The following NR3C2 variants were observed in gnomAD, a reference collection of about 807,000 sequenced individuals.
The protein encoded by NR3C2 is mineralocorticoid receptor.
Under a neutral mutation model 86.4 loss-of-function variants are expected in NR3C2, and 15 were observed. The observed-to-expected ratio is 0.17, with a 90% CI of 0.12 to 0.27. The LOEUF (loss-of-function observed/expected upper bound fraction) is 0.27. NR3C2 is among the 10% of genes least tolerant of loss of function. The pLI is 1.00. For missense variants in NR3C2, 960 were observed against 1,195.6 expected, an observed-to-expected ratio of 0.80 and a Z score of 2.91; for synonymous variants, 458 against 450.5, an observed-to-expected ratio of 1.02 and a Z score of -0.21.
chr4:148,098,403 TAGAC>T (rs1373606145), intron 8 of NR3C2, among the ~76,000 whole-genome samples: 1 of 152,140 alleles, frequency 6.6e-6, no homozygotes, highest in Non-Finnish European at 1.5e-5. Context: ...CTTAGGAACA[TAGAC>T]AGCACTGGGG....
chr4:148,362,171 T>A (rs530243149), intron 2 of NR3C2, among the ~76,000 whole-genome samples: 4 of 152,298 alleles, frequency 2.6e-5, no homozygotes, highest in Admixed American at 2.6e-4. Flanking sequence ...TCCTGGAAAA[T>A]TCAAGACATG....
chr4:148,377,226 A>C (rs1176688925), intron 2 of NR3C2, among the ~76,000 whole-genome samples: 2 of 152,214 alleles, frequency 1.3e-5, no homozygotes, highest in African/African-American at 4.8e-5. Flanking sequence ...TGGGGCAGGA[A>C]GAAGAGTATA....
At chr4:148,156,019 C>G (rs1578950592) in intron 4 of NR3C2, among the ~76,000 whole-genome samples, 1 of 152,032 alleles carries the variant, frequency 6.6e-6, no homozygotes, top group African/African-American at 2.4e-5. Context: ...GGAAAGGATT[C>G]CCTATTTAAT....
At position 148,249,180 on chromosome 4, in the gene NR3C2, C is replaced by T. The variant is rs540955452; in HGVS notation, c.1897+10798G>A. ...ACTAAATACTAGTAAATGGTCAGTA[C>T]GGCTTCTAAGAGGGTGGTATGAATC... On this transcript the variant is annotated intron_variant, in intron 3 of 8. Transcript: ENST00000358102. Among the ~76,000 whole-genome samples, 20 of 152,154 alleles carry T rather than the reference C, an allele frequency of 1.3e-4. No individual in the cohort carries two copies. The South Asian group carries it at 3.9e-3, about 30-fold the overall frequency.
At chr4:148,118,983 CTG>C (rs1732391486) in intron 7 of NR3C2, among the ~76,000 whole-genome samples, 2 of 152,186 alleles carry the variant, frequency 1.3e-5, no homozygotes, top group African/African-American at 4.8e-5. Context: ...CTCTCCTATC[CTG>C]TCTCTCTCCT....
chr4:148,184,566 C>A (rs1017850301), intron 4 of NR3C2, among the ~76,000 whole-genome samples: 1 of 151,838 alleles, frequency 6.6e-6, no homozygotes. Flanking sequence ...ATATTTACAA[C>A]AATATTTATA....
intron 2 of NR3C2, among the ~76,000 whole-genome samples, chr4:148,377,288 C>G (rs1746727741): frequency 6.6e-6 from 1 of 152,148 alleles, no homozygotes; most frequent in Admixed American, 6.5e-5. Flanking sequence ...AATGTGGCAT[C>G]CACACCTGCA....
At chr4:148,197,176 A>C (rs534639481) in intron 3 of NR3C2, among the ~76,000 whole-genome samples, 35 of 152,336 alleles carry the variant, frequency 2.3e-4, no homozygotes, top group African/African-American at 8.2e-4. Flanking sequence ...CTGTTGGTCT[A>C]ATAAGACATT....
intron 2 of NR3C2, among the ~76,000 whole-genome samples, chr4:148,324,987 T>C (rs183093809): frequency 3.9e-5 from 6 of 152,320 alleles, no homozygotes; most frequent in African/African-American, 1.2e-4. Flanking sequence ...ACCAATATCA[T>C]ATTAGAGGCA....
At chr4:148,390,546 A>G (rs983186605) in intron 2 of NR3C2, among the ~76,000 whole-genome samples, 1 of 152,214 alleles carries the variant, frequency 6.6e-6, no homozygotes, top group Non-Finnish European at 1.5e-5. Flanking sequence ...CTAGGGAGAC[A>G]GTACACTACG....
chr4:148,249,967 G>T (rs1739496595), intron 3 of NR3C2, among the ~76,000 whole-genome samples: 1 of 152,282 alleles, frequency 6.6e-6, no homozygotes, highest in East Asian at 1.9e-4. Context: ...GAGACAATGT[G>T]AGCATGTGCA....
intron 4 of NR3C2, among the ~76,000 whole-genome samples, chr4:148,194,091 C>A (rs940369405): frequency 6.6e-6 from 1 of 152,140 alleles, no homozygotes. Flanking sequence ...AGAGCTAGTT[C>A]CTCCCATTAT....
At chr4:148,375,195 C>T (rs1232180281) in intron 2 of NR3C2, among the ~76,000 whole-genome samples, 3 of 152,158 alleles carry the variant, frequency 2.0e-5, no homozygotes, top group South Asian at 2.1e-4. Flanking sequence ...GTGGCTCACG[C>T]CTGTATCCTC....
chr4:148,388,469 G>A (rs1022081936), intron 2 of NR3C2, among the ~76,000 whole-genome samples: 2 of 152,140 alleles, frequency 1.3e-5, no homozygotes, highest in Admixed American at 1.3e-4. Flanking sequence ...CCTATGTGGA[G>A]AGAATGCATC....
rs939818781 is a variant in NR3C2, at chr4:148,436,263, T to A, written c.598A>T (p.Met200Leu). ...GCAGGGCTGCAAACCGAAGATGTCA[T>A]GTTCAGAGGGCTGCAAACAGACGGG... The part of the protein sequence containing the change: ...KSPSVCSPLN[M>L]TSSVCSPAGI... Residue 200 changes from methionine (M) to leucine (L), a missense_variant, in exon 2 of 9, where the codon ATG (methionine) becomes TTG (leucine). Physicochemically the swap from Met to Leu is conservative, Grantham distance 15. Around this residue, in one of 4 missense-constraint regions of NR3C2, gnomAD observed 680 missense variants for 719.0 expected, o/e 0.95. Transcript: ENST00000358102. The A allele has an allele frequency of 4.3e-6, 7 of 1,614,008 alleles. No individual in the cohort carries two copies. The South Asian group carries it at 5.5e-5, about 13-fold the overall frequency.
intron 8 of NR3C2, among the ~76,000 whole-genome samples, chr4:148,110,157 G>T (rs186668962): frequency 5.9e-5 from 9 of 152,334 alleles, no homozygotes; most frequent in African/African-American, 1.7e-4. Flanking sequence ...TTTGGGGAAA[G>T]ATTGACATTC....
At chr4:148,344,263 A>G (rs1026431617) in intron 2 of NR3C2, among the ~76,000 whole-genome samples, 3 of 152,190 alleles carry the variant, frequency 2.0e-5, no homozygotes, top group Non-Finnish European at 4.4e-5. Flanking sequence ...TGTATTCCTT[A>G]TATTCAGGTC....
Position 148,162,073 on chromosome 4 carries a change from C to G in NR3C2, c.2015-7172G>C, listed in dbSNP as rs567502154. Among the ~76,000 whole-genome samples the G allele has an allele frequency of 9.9e-5, 15 of 152,274 alleles. No individual in the cohort carries two copies. In the East Asian group the frequency reaches 1.2e-3, roughly 12 times the overall value. On this transcript the variant is annotated intron_variant, in intron 4 of 8. Transcript: ENST00000358102. ...GGACACTTTGCTGTATGGGAATCCA[C>G]CTGGAGTCAAGTGCCATTGACCCAC...
intron 2 of NR3C2, among the ~76,000 whole-genome samples, chr4:148,309,102 T>C (rs889508559): frequency 2.6e-5 from 4 of 152,192 alleles, no homozygotes; most frequent in African/African-American, 4.8e-5. Flanking sequence ...CACTATACAT[T>C]ATACGTATCA....
Sources: allele counts gnomAD v4.1 joint callset (sites outside exome capture counted in the v4.1 genomes callset), GRCh38; gene constraint gnomAD v4.1.1; regional missense constraint gnomAD v4.1.1; transcripts MANE v1.5; gene names NCBI Gene and HGNC (gene_info 2026-07-23, HGNC 2026-07-21).